NALCN: variants seen among roughly 807,000 people sequenced by gnomAD.
NALCN encodes sodium leak channel, non-selective.
NALCN carries 111 observed loss-of-function variants against 225.3 expected under a neutral mutation model. The observed-to-expected ratio is 0.49, with a 90% CI of 0.42 to 0.58. The LOEUF (loss-of-function observed/expected upper bound fraction) is 0.58. Ranked by LOEUF, NALCN falls within the 20% of genes least tolerant of loss-of-function variation. NALCN has a pLI of 0.00. For synonymous variants in NALCN, 764 were observed against 769.0 expected, an observed-to-expected ratio of 0.99 and a Z score of 0.11; for missense variants, 1,378 against 2,202.4, an observed-to-expected ratio of 0.63 and a Z score of 7.49.
intron 41 of NALCN, 149 bp from the exon 42 acceptor site, chr13:101,060,116 T>G: frequency 1.1e-6 from 1 of 894,940 alleles, no homozygotes; most frequent in Admixed American, 2.4e-5. Context: ...CCTGAACTAA[T>G]TTCAATGTTC....
chr13:101,079,662 A>G (rs971209435), intron 34 of NALCN, among the ~76,000 whole-genome samples: 2 of 152,206 alleles, frequency 1.3e-5, no homozygotes, highest in African/African-American at 4.8e-5. Context: ...TCTAGGATAT[A>G]AGGTTCACAA....
chr13:101,373,621 C>A (rs2046603143), intron 6 of NALCN, among the ~76,000 whole-genome samples: 1 of 152,176 alleles, frequency 6.6e-6, no homozygotes, highest in South Asian at 2.1e-4. Flanking sequence ...AAGGTAACTT[C>A]CTCACTTTGA....
chr13:101,379,966 G>A (rs575079101), intron 3 of NALCN, among the ~76,000 whole-genome samples: 1 of 151,806 alleles, frequency 6.6e-6, no homozygotes, highest in East Asian at 1.9e-4. Flanking sequence ...TAATAATATT[G>A]GGAGATTTCA....
chr13:101,144,990 A>G (rs2037277048), intron 15 of NALCN, 94 bp from the exon 16 acceptor site: 22 of 1,340,832 alleles, frequency 1.6e-5, no homozygotes, highest in Non-Finnish European at 2.1e-5. Flanking sequence ...AGCAATAAGT[A>G]ATTACATGAA....
At position 101,395,091 on chromosome 13, in the gene NALCN, G is replaced by C. The variant is rs1352319204; in HGVS notation, c.291+92C>G. Reference sequence around the variant, plus strand: ...TATGTATAAGATAAAATGATGTTTTGTTTTACTGAAATGAACAAGAAAATA... The same window carrying C: ...TATGTATAAGATAAAATGATGTTTTCTTTTACTGAAATGAACAAGAAAATA... On this transcript the variant is annotated intron_variant, in intron 3 of 43. Coordinates refer to ENST00000251127, the MANE Select transcript of NALCN (RefSeq NM_052867.4). 9.4e-6 allele frequency: 12 copies of C among 1,281,500 alleles called. 1 individual carries two copies. In the South Asian group the frequency reaches 2.0e-4, roughly 21 times the overall value. The allele number at this position is 1,281,500 out of a possible 1,614,324, so 79.4% of individuals were successfully genotyped here.
At chr13:101,195,601 A>G (rs1242680561) in intron 13 of NALCN, among the ~76,000 whole-genome samples, 2 of 152,166 alleles carry the variant, frequency 1.3e-5, no homozygotes, top group African/African-American at 4.8e-5. Context: ...TGAGACAGGA[A>G]TTTTTTGTTT....
At chr13:101,262,408 C>A (rs974175043) in intron 10 of NALCN, among the ~76,000 whole-genome samples, 2 of 152,092 alleles carry the variant, frequency 1.3e-5, no homozygotes, top group African/African-American at 4.8e-5. Flanking sequence ...AGGCTGAAGG[C>A]CCTGGGCAGC....
chr13:101,280,009 C>T (rs1197708216), intron 10 of NALCN, among the ~76,000 whole-genome samples: 1 of 151,978 alleles, frequency 6.6e-6, no homozygotes, highest in Non-Finnish European at 1.5e-5. Flanking sequence ...TTAGTGAAAG[C>T]CATCAAGTAT....
Position 101,292,354 on chromosome 13 carries a change from A to G in NALCN, c.812T>C (p.Phe271Ser), listed in dbSNP as rs1342144943. The stretch of plus-strand genomic sequence containing the variant: ...CTGTGAGGCGGCCTCATAGACGGTG[A>G]ATATACTAGTTCCTGTCATGACAGA... ...SGFNEIGTSI[F>S]TVYEAASQEG... Residue 271 changes from phenylalanine (F) to serine (S), a missense_variant, in exon 8 of 44, where the codon TTC becomes TCC. Phe to Ser is a radical substitution (Grantham distance 155). This residue lies in a region of NALCN where 67 missense variants were observed against 82.1 expected (regional missense o/e 0.82). Coordinates refer to ENST00000251127, the MANE Select transcript of NALCN (RefSeq NM_052867.4). The surrounding 1 kb of genome is among the most constrained non-coding windows in gnomAD (Gnocchi z 4.3). 1 of 1,613,938 alleles carries G rather than the reference A, an allele frequency of 6.2e-7. No homozygotes were observed. Among genetic ancestry groups the G allele is most frequent in the African/African-American group, 1.3e-5 (1 of 74,932 alleles).
intron 18 of NALCN, chr13:101,116,929 C>T (rs750233178): frequency 4.5e-5 from 23 of 514,566 alleles, no homozygotes; most frequent in African/African-American, 4.0e-4. Context: ...CCTGACTCCA[C>T]TAGAGTGACA....
At chr13:101,129,929 C>G (rs959124544) in intron 17 of NALCN, among the ~76,000 whole-genome samples, 1 of 150,052 alleles carries the variant, frequency 6.7e-6, no homozygotes, top group African/African-American at 2.5e-5. Context: ...CCCATATGTT[C>G]TCATTGTTCA....
chr13:101,077,083 G>A (rs982774951), intron 34 of NALCN, among the ~76,000 whole-genome samples: 2 of 151,880 alleles, frequency 1.3e-5, no homozygotes. Flanking sequence ...CCCTTTCACT[G>A]GTCACTCATA....
intron 10 of NALCN, among the ~76,000 whole-genome samples, chr13:101,274,024 T>A (rs183291321): frequency 6.6e-6 from 1 of 152,008 alleles, no homozygotes; most frequent in South Asian, 2.1e-4. Context: ...AAAAGCCTGA[T>A]AACATCAAGT....
At chr13:101,168,802 C>A (rs1306348762) in intron 15 of NALCN, among the ~76,000 whole-genome samples, 1 of 152,104 alleles carries the variant, frequency 6.6e-6, no homozygotes, top group African/African-American at 2.4e-5. Flanking sequence ...CCTTATTTTT[C>A]CAGTTAACAA....
intron 13 of NALCN, among the ~76,000 whole-genome samples, chr13:101,193,758 CATT>C (rs1472343596): frequency 3.3e-5 from 5 of 152,140 alleles, no homozygotes; most frequent in Admixed American, 6.5e-5. Context: ...CAGAACTCAT[CATT>C]GAGGGCAATT....
intron 13 of NALCN, among the ~76,000 whole-genome samples, chr13:101,206,319 G>A (rs992910575): frequency 2.6e-5 from 4 of 151,988 alleles, no homozygotes; most frequent in Admixed American, 2.6e-4. Flanking sequence ...CAAAAATGAT[G>A]TGGTCTTTTG....
chr13:101,331,076 C>T (rs538524484), intron 7 of NALCN, among the ~76,000 whole-genome samples: 12 of 152,034 alleles, frequency 7.9e-5, no homozygotes, highest in African/African-American at 2.7e-4. Flanking sequence ...TCAGTAAGAA[C>T]GGCTGATATC....
intron 7 of NALCN, among the ~76,000 whole-genome samples, chr13:101,322,152 G>A (rs892252586): frequency 6.6e-6 from 1 of 151,998 alleles, no homozygotes; most frequent in African/African-American, 2.4e-5. Context: ...CATTTCATGG[G>A]GTGTATTTGT....
rs75179183 is a variant in NALCN, at chr13:101,096,080, G to A, written c.3163-400C>T. Among the ~76,000 whole-genome samples, 399 of 152,140 alleles carry A rather than the reference G, an allele frequency of 2.6e-3. 2 individuals carry two copies. Among genetic ancestry groups the A allele is most frequent in the African/African-American group, 9.1e-3 (379 of 41,498 alleles). On this transcript the variant is annotated intron_variant, in intron 27 of 43. Coordinates refer to ENST00000251127, the MANE Select transcript of NALCN (RefSeq NM_052867.4). ...TAACAACAAGCATTGGCGAGGATGT[G>A]GAGGAATCGCAATCCTCATACTGGA... is the stretch of plus-strand genomic sequence containing the variant.
Sources: gnomAD v4.1 joint callset for allele counts (sites outside exome capture counted in the v4.1 genomes callset) on GRCh38, gnomAD v4.1.1 for gene constraint, gnomAD v4.1.1 regional missense constraint, Gnocchi (gnomAD v3.1) non-coding constraint, MANE v1.5 for transcripts, NCBI Gene and HGNC (gene_info 2026-07-23, HGNC 2026-07-21) for gene names.